The following SPPL3 variants were observed in gnomAD, a reference collection of about 807,000 sequenced individuals.
SPPL3 encodes the protein signal peptide peptidase like 3, also known as signal peptide peptidase-like 3.
In SPPL3, 5 loss-of-function variants were observed where a neutral mutation model predicts 42.4. The ratio of observed to expected loss-of-function variants is 0.12; its 90% CI spans 0.06 to 0.25. SPPL3 has a LOEUF of 0.25. Ranked by LOEUF, SPPL3 falls within the 10% of genes least tolerant of loss-of-function variation. The pLI, the probability that SPPL3 is intolerant of heterozygous loss-of-function variation, is 1.00. For synonymous variants in SPPL3, 195 were observed against 181.8 expected (o/e 1.07, Z -0.58); for missense variants, 235 against 489.0 (o/e 0.48, Z 4.90).
chr12:120,786,265 C>T (rs531491379), intron 3 of SPPL3, among the ~76,000 whole-genome samples: 79 of 152,240 alleles, frequency 5.2e-4, no homozygotes, highest in African/African-American at 1.6e-3. Context: ...AGGATCACTT[C>T]GGGAAGTGTA....
rs532148680 is a variant in SPPL3 at position 120,873,797 on chromosome 12, G to A, written c.23+30048C>T. 1.8e-4 allele frequency among the ~76,000 whole-genome samples: 28 copies of A among 152,068 alleles called. No individual in the cohort carries two copies. The South Asian group carries it at 1.9e-3, about 10-fold the overall frequency. On this transcript the variant is annotated intron_variant, in intron 1 of 10. Transcript: ENST00000353487. Reference sequence around the variant, plus strand: ...TGAGGCAGGACAATCACTTGAAACCGGGAGGCGGAGGTTGCAGTGAGCCAA... The same window carrying A: ...TGAGGCAGGACAATCACTTGAAACCAGGAGGCGGAGGTTGCAGTGAGCCAA...
chr12:120,809,970 TAAA>T (rs201806219), intron 2 of SPPL3, among the ~76,000 whole-genome samples: 1 of 139,734 alleles, frequency 7.2e-6, no homozygotes, highest in Non-Finnish European at 1.5e-5. Context: ...TAGGACAACA[TAAA>T]AAAATTTTTT....
intron 1 of SPPL3, among the ~76,000 whole-genome samples, chr12:120,855,993 G>C (rs1051465832): frequency 2.0e-5 from 3 of 152,154 alleles, no homozygotes; most frequent in Non-Finnish European, 4.4e-5. Flanking sequence ...CTGTTCAACA[G>C]AACTCTGTGA....
intron 1 of SPPL3, among the ~76,000 whole-genome samples, chr12:120,884,873 C>T (rs1443853069): frequency 6.8e-6 from 1 of 147,814 alleles, no homozygotes; most frequent in Non-Finnish European, 1.5e-5. Flanking sequence ...CAAGTCACAC[C>T]TATTCAATAA....
At chr12:120,877,572 G>A (rs898197301) in intron 1 of SPPL3, among the ~76,000 whole-genome samples, 2 of 152,124 alleles carry the variant, frequency 1.3e-5, no homozygotes, top group Admixed American at 1.3e-4. Flanking sequence ...CCCAAGGTCA[G>A]GAGTTCAAGA....
chr12:120,857,752 G>C (rs547961494), intron 1 of SPPL3, among the ~76,000 whole-genome samples: 1 of 152,262 alleles, frequency 6.6e-6, no homozygotes, highest in Non-Finnish European at 1.5e-5. Context: ...TCACTCATAA[G>C]CGGGAACTGA....
rs55811671 is a variant in SPPL3, at chr12:120,900,942, A to AG, written c.23+2902dup. 2.1e-3 allele frequency among the ~76,000 whole-genome samples: 312 copies of AG among 151,164 alleles called. 1 individual carries two copies. Among genetic ancestry groups the AG allele is most frequent in the African/African-American group, 6.5e-3 (269 of 41,168 alleles). Reference sequence around the variant, plus strand: ...GTCTCACAAAAAAAAAAAAAAAAAAAGTAATCAACTCTTGATTGTTTGCAC... The same window carrying AG: ...GTCTCACAAAAAAAAAAAAAAAAAAAGGTAATCAACTCTTGATTGTTTGCAC... On this transcript the variant is annotated intron_variant, in intron 1 of 10. Coordinates refer to ENST00000353487, the MANE Select transcript of SPPL3 (RefSeq NM_139015.5).
At chr12:120,779,973 G>A (rs936420146) in intron 6 of SPPL3, among the ~76,000 whole-genome samples, 3 of 150,932 alleles carry the variant, frequency 2.0e-5, no homozygotes, top group Admixed American at 2.0e-4. Context: ...ACTCCAGCCT[G>A]GGCAACAGAG....
chr12:120,856,109 A>C (rs1245347860), intron 1 of SPPL3, among the ~76,000 whole-genome samples: 1 of 152,180 alleles, frequency 6.6e-6, no homozygotes, highest in Admixed American at 6.5e-5. Flanking sequence ...TAAGGAACTT[A>C]ATCTGTAGTT....
chr12:120,847,496 T>C (rs1872081865), intron 1 of SPPL3, among the ~76,000 whole-genome samples: 3 of 152,176 alleles, frequency 2.0e-5, no homozygotes, highest in Non-Finnish European at 4.4e-5. Flanking sequence ...TTTCAACATG[T>C]TGCCCAGGCT....
At chr12:120,845,105 G>A (rs1035297606) in intron 1 of SPPL3, 16 of 388,400 alleles carry the variant, frequency 4.1e-5, no homozygotes, top group Middle Eastern at 9.0e-4. Flanking sequence ...GAGGGGTGTC[G>A]CATTCACTTC....
At chr12:120,884,777 T>A (rs911100569) in intron 1 of SPPL3, among the ~76,000 whole-genome samples, 1 of 150,630 alleles carries the variant, frequency 6.6e-6, no homozygotes, top group Non-Finnish European at 1.5e-5. Flanking sequence ...TTCAAAATTA[T>A]GGCTAGAGTT....
At position 120,826,233 on chromosome 12, in the gene SPPL3, C is replaced by T. The variant is rs191811032; in HGVS notation, c.24-15347G>A. Reference sequence around the variant, plus strand: ...GCTTGAACCTGGGAGGCAGAGGTGGCGGTGAGCTGAGATTGCACCATTGCA... The same window carrying T: ...GCTTGAACCTGGGAGGCAGAGGTGGTGGTGAGCTGAGATTGCACCATTGCA... On this transcript the variant is annotated intron_variant, in intron 1 of 10. Coordinates refer to ENST00000353487, the MANE Select transcript of SPPL3 (RefSeq NM_139015.5). Among the ~76,000 whole-genome samples the T allele has an allele frequency of 1.1e-4, 16 of 140,888 alleles. 1 individual carries two copies. Among genetic ancestry groups the T allele is most frequent in the Admixed American group, 1.1e-3 (14 of 12,980 alleles). 92.4% of individuals were successfully genotyped at this position (140,888 alleles called of 152,430 possible). A position where few individuals can be genotyped will look rare whatever the true frequency, so the allele number is the denominator to read the frequency against.
intron 1 of SPPL3, among the ~76,000 whole-genome samples, chr12:120,814,212 T>C (rs1390533162): frequency 6.6e-6 from 1 of 152,228 alleles, no homozygotes; most frequent in Admixed American, 6.5e-5. Context: ...TTAAAACTAC[T>C]AGAGGCAGAT....
chr12:120,874,452 C>CAAAAAAAAAAAAAA (rs71076673), intron 1 of SPPL3, among the ~76,000 whole-genome samples: 2 of 97,436 alleles, frequency 2.1e-5, no homozygotes, highest in African/African-American at 4.4e-5. Flanking sequence ...GACCCTGTCG[C>CAAAAAAAAAAAAAA]AAAAAAAAAA....
chr12:120,803,012 GAACTT>G (rs1213030259), intron 2 of SPPL3, among the ~76,000 whole-genome samples: 1 of 152,170 alleles, frequency 6.6e-6, no homozygotes, highest in Non-Finnish European at 1.5e-5. Context: ...TGAGATGAAT[GAACTT>G]AACATTATAT....
At chr12:120,812,850 T>TA (rs1339715909) in intron 1 of SPPL3, among the ~76,000 whole-genome samples, 9 of 152,172 alleles carry the variant, frequency 5.9e-5, no homozygotes, top group African/African-American at 2.2e-4. Context: ...AAACAGTTGT[T>TA]AAAGGATTAA....
chr12:120,833,314 G>C (rs1006722733), intron 1 of SPPL3, among the ~76,000 whole-genome samples: 1 of 152,144 alleles, frequency 6.6e-6, no homozygotes, highest in Non-Finnish European at 1.5e-5. Flanking sequence ...AGGAAAACAG[G>C]GTTGGCCAAA....
chr12:120,772,528 G>C (rs1592954653), intron 6 of SPPL3, among the ~76,000 whole-genome samples: 1 of 152,280 alleles, frequency 6.6e-6, no homozygotes, highest in South Asian at 2.1e-4. Flanking sequence ...AATACTTGCT[G>C]AATGAATGCA....
Sources: gnomAD v4.1 joint callset for allele counts (sites outside exome capture counted in the v4.1 genomes callset) on GRCh38, gnomAD v4.1.1 for gene constraint, MANE v1.5 for transcripts, NCBI Gene and HGNC (gene_info 2026-07-23, HGNC 2026-07-21) for gene names.